The following ARHGEF2 variants were observed in gnomAD, a reference collection of about 807,000 sequenced individuals.
The protein encoded by ARHGEF2 is rho guanine nucleotide exchange factor 2.
In ARHGEF2, 22 loss-of-function variants were observed where a neutral mutation model predicts 121.0. That is an observed-to-expected ratio of 0.18 (90% CI 0.13 to 0.26). The LOEUF is 0.26. Ranked by LOEUF, ARHGEF2 falls within the 10% of genes least tolerant of loss-of-function variation. The pLI is 1.00. For synonymous variants in ARHGEF2, 487 were observed against 530.0 expected, an observed-to-expected ratio of 0.92 and a Z score of 1.11; for missense variants, 907 against 1,336.0, an observed-to-expected ratio of 0.68 and a Z score of 5.01.
Position 155,951,776 on chromosome 1 carries a change from C to A in ARHGEF2, c.2173G>T (p.Asp725Tyr). 3.1e-6 allele frequency: 5 copies of A among 1,613,994 alleles called. No homozygotes were observed. The highest frequency in any genetic ancestry group is 4.2e-6 in the Non-Finnish European group (5 of 1,180,014). The part of the protein sequence containing the change: ...CRADSDSSQR[D>Y]RNGNQLRSPQ... ...GATCTCAGCTGATTTCCATTTCGAT[C>A]CTGCAGAAATGGGCAAGAATGGGGA... Residue 725 changes from aspartate to tyrosine, a missense_variant and splice_region_variant, in exon 18 of 22, where the codon GAT becomes TAT. This residue lies in a region of ARHGEF2 where 432 missense variants were observed against 559.5 expected (regional missense o/e 0.77). Transcript: ENST00000361247. This position sits in a 1 kb window ranked among gnomAD's most constrained non-coding sequence, Gnocchi z 5.1.
At chr1:155,953,824 G>T (rs1335200678) in intron 14 of ARHGEF2, among the ~76,000 whole-genome samples, 1 of 151,990 alleles carries the variant, frequency 6.6e-6, no homozygotes, top group Non-Finnish European at 1.5e-5. Flanking sequence ...TCCTTGCTAG[G>T]TGTGATACAG....
rs1260695031 is a variant in ARHGEF2 at position 155,951,333 on chromosome 1, C to G, written c.2260-61G>C. ...ACCCCTGTGCTCTTCTACCCCTCGC[C>G]TTCACCCTCCAAGGCCCAGATCATC... On this transcript the variant is annotated intron_variant, in intron 19 of 21. Coordinates refer to ENST00000361247, the MANE Select transcript of ARHGEF2 (RefSeq NM_001162383.2). This position sits in a 1 kb window ranked among gnomAD's most constrained non-coding sequence, Gnocchi z 5.1. 8 of 1,565,022 alleles carry G rather than the reference C, an allele frequency of 5.1e-6. No homozygotes were observed. The highest frequency in any genetic ancestry group is 2.3e-5 in the East Asian group (1 of 44,318).
chr1:155,966,938 G>T, intron 2 of ARHGEF2, 51 bp from the exon 3 acceptor site: 1 of 1,544,908 alleles, frequency 6.5e-7, no homozygotes, highest in South Asian at 1.1e-5. Context: ...GGTACAGGAG[G>T]GGACACACCC....
Position 155,965,252 on chromosome 1 carries a change from C to T in ARHGEF2, c.580+51G>A. The T allele has an allele frequency of 2.5e-6, 4 of 1,607,456 alleles. No individual in the cohort carries two copies. The highest frequency in any genetic ancestry group is 2.6e-6 in the Non-Finnish European group (3 of 1,174,040). On this transcript the variant is annotated intron_variant, in intron 6 of 21. Transcript: ENST00000361247. This position sits in a 1 kb window ranked among gnomAD's most constrained non-coding sequence, Gnocchi z 6.0. ...GCTACTCCCACCAGCCTCTCATCCC[C>T]CAGCCCCTCTTCATGTTCCTCAGGG...
At chr1:155,969,391 A>G (rs1680044488) in intron 1 of ARHGEF2, 91 bp from the exon 2 acceptor site, 3 of 1,562,046 alleles carry the variant, frequency 1.9e-6, no homozygotes, top group Non-Finnish European at 2.6e-6. Flanking sequence ...AGAGGCAAGG[A>G]AAAAATGCCA....
At chr1:155,975,112 C>A (rs1572204369) in intron 1 of ARHGEF2, among the ~76,000 whole-genome samples, 1 of 152,076 alleles carries the variant, frequency 6.6e-6, no homozygotes, top group East Asian at 1.9e-4. Flanking sequence ...ATATTTCCAA[C>A]CAGAAACTGA....
At chr1:155,957,600 C>T in intron 13 of ARHGEF2, 113 bp downstream of exon 13, 1 of 1,282,126 alleles carries the variant, frequency 7.8e-7, no homozygotes, top group African/African-American at 1.5e-5. Context: ...CCCTCAACCT[C>T]TTCCCCCACC....
Position 155,966,398 on chromosome 1 carries a change from C to G in ARHGEF2, c.340+18G>C, listed in dbSNP as rs372025062. ...GTCCAGGGTCTTAGGGGACCTCCTCCACTCCCCAACTACTCACTCTTACTT... is the reference window on the plus strand; with the variant it reads ...GTCCAGGGTCTTAGGGGACCTCCTCGACTCCCCAACTACTCACTCTTACTT... On this transcript the variant is annotated intron_variant, in intron 4 of 21. Coordinates refer to ENST00000361247, the MANE Select transcript of ARHGEF2 (RefSeq NM_001162383.2). 5.3e-5 allele frequency: 85 copies of G among 1,613,396 alleles called. No homozygotes were observed. The highest frequency in any genetic ancestry group is 7.0e-5 in the Non-Finnish European group (82 of 1,179,462).
chr1:155,976,411 C>T (rs1053435274), intron 1 of ARHGEF2, among the ~76,000 whole-genome samples: 16 of 151,816 alleles, frequency 1.1e-4, no homozygotes, highest in African/African-American at 3.9e-4. Context: ...TCAGATCCAC[C>T]CACTCAGCCC....
chr1:155,952,306 C>T lies in ARHGEF2; in HGVS notation c.1985-71G>A. ...CTGAGGGGAATGCCATTCACCCCCA[C>T]ATGTGGGACACTTGGGCATCTGGGG... On this transcript the variant is annotated intron_variant, in intron 15 of 21. Coordinates refer to ENST00000361247, the MANE Select transcript of ARHGEF2 (RefSeq NM_001162383.2). 5.0e-6 allele frequency: 8 copies of T among 1,591,234 alleles called. No homozygotes were observed. In the South Asian group the frequency reaches 8.9e-5, roughly 18 times the overall value.
chr1:155,953,093 T>C (rs951244675), intron 14 of ARHGEF2, among the ~76,000 whole-genome samples: 1 of 151,758 alleles, frequency 6.6e-6, no homozygotes, highest in Non-Finnish European at 1.5e-5. Flanking sequence ...GGCAAAACCC[T>C]GTCTCTACTT....
In ARHGEF2 at chr1:155,978,223, CGTCCCGCCGCTCGCCGATCCACCG is replaced by C; in HGVS notation, c.63+118_63+141del. Reference sequence around the variant, plus strand: ...ACTCGCTCGCAGTCCCCACCCACCCCGTCCCGCCGCTCGCCGATCCACCGCTCCGCCCGATTTTGGCGCCCAGAA... The same window carrying C: ...ACTCGCTCGCAGTCCCCACCCACCCCCTCCGCCCGATTTTGGCGCCCAGAA... On this transcript the variant is annotated intron_variant, in intron 1 of 21. Transcript: ENST00000361247. The surrounding 1 kb of genome is among the most constrained non-coding windows in gnomAD (Gnocchi z 4.1). 3.0e-6 allele frequency: 4 copies of C among 1,323,732 alleles called. No homozygotes were observed. The highest frequency in any genetic ancestry group is 3.2e-5 in the East Asian group (1 of 31,428). 82.0% of individuals were successfully genotyped at this position (1,323,732 alleles called of 1,614,324 possible). A position where few individuals can be genotyped will look rare whatever the true frequency, so the allele number is the denominator to read the frequency against.
intron 11 of ARHGEF2, among the ~76,000 whole-genome samples, chr1:155,960,454 C>T (rs1478620383): frequency 7.3e-6 from 1 of 137,794 alleles, no homozygotes; most frequent in Non-Finnish European, 1.6e-5. Context: ...AGCAGCAAAG[C>T]GAGACCCTGT....
At chr1:155,954,662 A>G (rs185602586) in intron 14 of ARHGEF2, among the ~76,000 whole-genome samples, 1 of 143,438 alleles carries the variant, frequency 7.0e-6, no homozygotes, top group African/African-American at 2.5e-5. Context: ...CCTAACTAAT[A>G]TAAGGCCTTA....
chr1:155,954,949 A>T lies in ARHGEF2; in HGVS notation c.1736T>A (p.Phe579Tyr). ...SVRTCPSRED[F>Y]PLIETEDEAY... ...CTCATCCTCTGTCTCAATCAGGGGG[A>T]AGTCCTCCCTGGATGGGCATCTGGA... The change falls in exon 14 of 22, where the codon TTC (phenylalanine) becomes TAC (tyrosine). Residue 579 changes from phenylalanine to tyrosine, a missense_variant. Physicochemically the swap from Phe to Tyr is conservative, Grantham distance 22. Coordinates refer to ENST00000361247, the MANE Select transcript of ARHGEF2 (RefSeq NM_001162383.2). The T allele has an allele frequency of 1.2e-6, 2 of 1,611,110 alleles. No individual in the cohort carries two copies. The highest frequency in any genetic ancestry group is 1.7e-6 in the Non-Finnish European group (2 of 1,178,708).
chr1:155,955,839 C>T (rs1290665403), intron 13 of ARHGEF2, among the ~76,000 whole-genome samples: 2 of 151,956 alleles, frequency 1.3e-5, no homozygotes, highest in African/African-American at 2.4e-5. Context: ...CCTCAGTCTC[C>T]CAAGCAGCTG....
upstream of ARHGEF2, chr1:155,979,168 A>G (rs969794873): frequency 1.0e-6 from 1 of 985,298 alleles, no homozygotes; most frequent in Non-Finnish European, 1.2e-6. Flanking sequence ...ATTCTCCCAC[A>G]TGCCCCACCC....
chr1:155,953,419 G>A (rs1025728169), intron 14 of ARHGEF2, among the ~76,000 whole-genome samples: 1 of 152,158 alleles, frequency 6.6e-6, no homozygotes, highest in Non-Finnish European at 1.5e-5. Context: ...TGACTTGCAC[G>A]TGACTATATT....
rs148821557 is a variant in ARHGEF2, at chr1:155,962,151, G to C, written c.1173C>G (p.Ile391Met). 2 of 1,614,098 alleles carry C rather than the reference G, an allele frequency of 1.2e-6. No homozygotes were observed. The highest frequency in any genetic ancestry group is 2.2e-5 in the South Asian group (2 of 91,090). ...GGCTGATGAGTAACGGGTACTTGGT[G>C]ATGCGCTGAGTCACCAGCAGGATGC... is the stretch of plus-strand genomic sequence containing the variant. ...QECILLVTQR[I>M]TKYPLLISRI... The change falls in exon 10 of 22, where the codon ATC becomes ATG. Residue 391 changes from isoleucine to methionine, a missense_variant. Ile to Met is a conservative substitution (Grantham distance 10, BLOSUM62 1). Coordinates refer to ENST00000361247, the MANE Select transcript of ARHGEF2 (RefSeq NM_001162383.2). This position sits in a 1 kb window ranked among gnomAD's most constrained non-coding sequence, Gnocchi z 5.8.
Sources: allele counts gnomAD v4.1 joint callset (sites outside exome capture counted in the v4.1 genomes callset), GRCh38; gene constraint gnomAD v4.1.1; regional missense constraint gnomAD v4.1.1; non-coding constraint Gnocchi (gnomAD v3.1); transcripts MANE v1.5; gene names NCBI Gene and HGNC (gene_info 2026-07-23, HGNC 2026-07-21).